Variants in ZBTB16 observed in about 807,000 individuals in gnomAD.
ZBTB16 encodes the protein zinc finger and BTB domain-containing protein 16.
ZBTB16 carries 8 observed loss-of-function variants against 56.8 expected under a neutral mutation model. That is an observed-to-expected ratio of 0.14 (90% confidence interval 0.08 to 0.25). ZBTB16 has a LOEUF of 0.25. ZBTB16 is among the 10% of genes least tolerant of loss of function. The probability of loss-of-function intolerance (pLI) is 1.00; values close to 1 mark genes in which losing one functional copy is unlikely to be tolerated. For missense variants in ZBTB16, 625 were observed against 903.0 expected (o/e 0.69, Z 3.95); for synonymous variants, 363 against 368.5 (o/e 0.98, Z 0.17).
chr11:114,182,667 C>T (rs955192298), intron 3 of ZBTB16, among the ~76,000 whole-genome samples: 4 of 152,288 alleles, frequency 2.6e-5, no homozygotes, highest in African/African-American at 7.2e-5. Context: ...CATGCGCACC[C>T]GCTGTGTTCA....
intron 2 of ZBTB16, among the ~76,000 whole-genome samples, chr11:114,080,165 G>C (rs1019509706): frequency 2.0e-5 from 3 of 152,152 alleles, no homozygotes; most frequent in Non-Finnish European, 4.4e-5. Context: ...TCTTTGGAAG[G>C]CTCTGGAAGG....
chr11:114,227,158 G>A (rs1321237697), intron 4 of ZBTB16, among the ~76,000 whole-genome samples: 2 of 152,162 alleles, frequency 1.3e-5, no homozygotes, highest in East Asian at 3.9e-4. Context: ...ACTGCTTTGT[G>A]CAGCAGCCGG....
At chr11:114,208,179 TG>T (rs1415034029) in intron 4 of ZBTB16, among the ~76,000 whole-genome samples, 1 of 152,216 alleles carries the variant, frequency 6.6e-6, no homozygotes, top group Non-Finnish European at 1.5e-5. Context: ...ATCTTGCCAC[TG>T]CACGAGTTAG....
At chr11:114,210,062 G>A (rs1943963730) in intron 4 of ZBTB16, 7 of 625,612 alleles carry the variant, frequency 1.1e-5, no homozygotes, top group African/African-American at 2.0e-5. Context: ...TGCCCGGTGA[G>A]CCTGCTGAGA....
chr11:114,216,772 C>G (rs1944109417), intron 4 of ZBTB16, among the ~76,000 whole-genome samples: 1 of 152,214 alleles, frequency 6.6e-6, no homozygotes, highest in Admixed American at 6.5e-5. Flanking sequence ...ACCAAGACGG[C>G]TTGCCACTCA....
At chr11:114,101,093 C>T (rs772909687) in intron 2 of ZBTB16, among the ~76,000 whole-genome samples, 2 of 152,076 alleles carry the variant, frequency 1.3e-5, no homozygotes, top group Non-Finnish European at 1.5e-5. Context: ...CTTGCTTGCT[C>T]TCCCTGGCTC....
chr11:114,213,813 T>A (rs1253688927), intron 4 of ZBTB16, among the ~76,000 whole-genome samples: 1 of 152,200 alleles, frequency 6.6e-6, no homozygotes, highest in East Asian at 1.9e-4. Context: ...TGGTTTTAGA[T>A]GAAACAGGCA....
At chr11:114,166,640 G>A (rs1942766476) in intron 3 of ZBTB16, among the ~76,000 whole-genome samples, 1 of 152,120 alleles carries the variant, frequency 6.6e-6, no homozygotes, top group South Asian at 2.1e-4. Context: ...CGACATTCAT[G>A]CTTGATTGCA....
intron 2 of ZBTB16, among the ~76,000 whole-genome samples, chr11:114,070,473 A>T (rs933274244): frequency 5.3e-5 from 8 of 152,180 alleles, no homozygotes; most frequent in African/African-American, 1.9e-4. Flanking sequence ...TGGATAAGGG[A>T]TTATGAACGA....
At chr11:114,163,195 TCC>T (rs141451006) in intron 3 of ZBTB16, among the ~76,000 whole-genome samples, 1 of 117,158 alleles carries the variant, frequency 8.5e-6, no homozygotes, top group Non-Finnish European at 1.7e-5. Context: ...CCGTCCTCAG[TCC>T]CCCCCCAACC....
At chr11:114,168,002 G>T (rs182700448) in intron 3 of ZBTB16, among the ~76,000 whole-genome samples, 1 of 152,180 alleles carries the variant, frequency 6.6e-6, no homozygotes, top group Non-Finnish European at 1.5e-5. Flanking sequence ...CCATCTGATC[G>T]CTCTTAGCCA....
chr11:114,098,720 T>A (rs1940505255), intron 2 of ZBTB16, among the ~76,000 whole-genome samples: 2 of 152,254 alleles, frequency 1.3e-5, no homozygotes, highest in South Asian at 2.1e-4. Context: ...TTCCTTGGAC[T>A]GTTTTGGCAG....
Position 114,242,149 on chromosome 11 carries a change from CT to C in ZBTB16, c.1454-17del. On this transcript the variant is annotated splice_polypyrimidine_tract_variant and intron_variant, in intron 4 of 6. Coordinates refer to ENST00000335953, the MANE Select transcript of ZBTB16 (RefSeq NM_006006.6). ...TATTCCCACCTTTCTGAGGCACCCC[CT>C]CTCCTGTCTCCCACAGGCACTGACA... The C allele has an allele frequency of 6.2e-7, 1 of 1,613,488 alleles. No individual in the cohort carries two copies. Among genetic ancestry groups the C allele is most frequent in the Non-Finnish European group, 8.5e-7 (1 of 1,179,866 alleles).
chr11:114,125,939 GC>G, intron 2 of ZBTB16, among the ~76,000 whole-genome samples: 1 of 152,180 alleles, frequency 6.6e-6, no homozygotes, highest in Admixed American at 6.5e-5. Flanking sequence ...AAATATCACT[GC>G]CTTTTGGAGC....
At chr11:114,066,206 G>C (rs1939111053) in intron 2 of ZBTB16, among the ~76,000 whole-genome samples, 1 of 152,174 alleles carries the variant, frequency 6.6e-6, no homozygotes, top group Non-Finnish European at 1.5e-5. Context: ...GGGATATCTG[G>C]AAGTTGATCT....
In ZBTB16 at chr11:114,116,133, G is replaced by C. The variant is rs964457667; in HGVS notation, c.1269-40204G>C. 3.0e-4 allele frequency among the ~76,000 whole-genome samples: 45 copies of C among 152,224 alleles called. 2 individuals carry two copies. ...GGGCAGAAAGCTCTAGAAGAAATAAGAATATGGGTACATGTGTTTAAGTAT... is the reference window on the plus strand; with the variant it reads ...GGGCAGAAAGCTCTAGAAGAAATAACAATATGGGTACATGTGTTTAAGTAT... On this transcript the variant is annotated intron_variant, in intron 2 of 6. Transcript: ENST00000335953.
chr11:114,095,245 C>CTTTTCTTTTCTTTTCTTTTTTTTT (rs1555132749), intron 2 of ZBTB16, among the ~76,000 whole-genome samples: 3 of 90,456 alleles, frequency 3.3e-5, no homozygotes, highest in Non-Finnish European at 5.9e-5. Flanking sequence ...CTTTTCTTTT[C>CTTTTCTTTTCTTTTCTTTTTTTTT]TTTTTTTTTT....
intron 2 of ZBTB16, among the ~76,000 whole-genome samples, chr11:114,093,010 C>T (rs187740533): frequency 1.3e-3 from 202 of 152,164 alleles, no homozygotes; most frequent in African/African-American, 4.6e-3. Context: ...CACACCACAC[C>T]CCAAAATCAC....
rs79748389 is a variant in ZBTB16 at position 114,143,204 on chromosome 11, G to A, written c.1269-13133G>A. ...ATATGTTCTACTCCATCCAAATCCCGATTGATTTATTACCCACTGTACAGC... is the reference window on the plus strand; with the variant it reads ...ATATGTTCTACTCCATCCAAATCCCAATTGATTTATTACCCACTGTACAGC... On this transcript the variant is annotated intron_variant, in intron 2 of 6. Coordinates refer to ENST00000335953, the MANE Select transcript of ZBTB16 (RefSeq NM_006006.6). The surrounding 1 kb of genome is among the most constrained non-coding windows in gnomAD (Gnocchi z 6.4). 1.1e-4 allele frequency among the ~76,000 whole-genome samples: 16 copies of A among 152,216 alleles called. No homozygotes were observed. The highest frequency in any genetic ancestry group is 2.1e-4 in the South Asian group (1 of 4,810).
Sources: allele counts gnomAD v4.1 joint callset (sites outside exome capture counted in the v4.1 genomes callset), GRCh38; gene constraint gnomAD v4.1.1; non-coding constraint Gnocchi (gnomAD v3.1); transcripts MANE v1.5; gene names NCBI Gene and HGNC (gene_info 2026-07-23, HGNC 2026-07-21).